The following KCNJ18 variants were observed in gnomAD, a reference collection of about 807,000 sequenced individuals.
KCNJ18 encodes the protein inward rectifier potassium channel 18.
A neutral mutation model predicts 17.3 loss-of-function variants in KCNJ18; 16 were observed. That is an observed-to-expected ratio of 0.92 (90% CI 0.62 to 1.40). KCNJ18 has a LOEUF of 1.40. KCNJ18 is among the 40% of genes most tolerant of loss of function. The probability of loss-of-function intolerance (pLI) is 0.00; values close to 1 mark genes in which losing one functional copy is unlikely to be tolerated. For missense variants in KCNJ18, 462 were observed against 626.8 expected, an observed-to-expected ratio of 0.74 and a Z score of 2.81; for synonymous variants, 185 against 262.6, an observed-to-expected ratio of 0.70 and a Z score of 2.86.
In KCNJ18 at chr17:21,703,598, T is replaced by A. The variant is rs1472973382; in HGVS notation, c.812T>A (p.Leu271Ter). 5.6e-6 allele frequency: 9 copies of A among 1,613,052 alleles called. No homozygotes were observed. The highest frequency in any genetic ancestry group is 6.8e-6 in the Non-Finnish European group (8 of 1,179,638). Reference protein sequence around the residue: ...RIFLVSPITILHEIDEASPLF... With the variant: ...RIFLVSPITI ...TTTCTGGTGTCGCCCATCACCATCT[T>A]GCATGAAATTGACGAGGCCAGCCCG... Residue 271 changes from leucine to a stop codon, truncating the protein, a stop_gained, in exon 3 of 3, where the codon TTG becomes TAG. Transcript: ENST00000567955. LOFTEE classifies it high-confidence loss of function.
chr17:21,704,205 C>T lies in KCNJ18; in HGVS notation c.*117C>T, dbSNP rs1166598299. The T allele has an allele frequency of 8.5e-6, 10 of 1,181,702 alleles. No individual in the cohort carries two copies. The African/African-American group carries it at 9.3e-5, about 11-fold the overall frequency. 73.2% of individuals were successfully genotyped at this position (1,181,702 alleles called of 1,614,324 possible). A position where few individuals can be genotyped will look rare whatever the true frequency, so the allele number is the denominator to read the frequency against. ...GTGCCCTGGGTTGCAGACTCAGTAG[C>T]GTTTTAGTCGTTTTATGTTTCTTTG... On this transcript the variant is annotated 3_prime_UTR_variant, in exon 3 of 3. Coordinates refer to ENST00000567955, the MANE Select transcript of KCNJ18 (RefSeq NM_001194958.2).
intron 1 of KCNJ18, among the ~76,000 whole-genome samples, chr17:21,693,161 C>T (rs1475778517): frequency 5.3e-5 from 8 of 152,296 alleles, no homozygotes; most frequent in South Asian, 2.1e-4. Context: ...GCTCACATGG[C>T]GGCTGCTGTG....
rs1216989998 is a variant in KCNJ18, at chr17:21,702,655, T to C, written c.-56-76T>C. 1.9e-4 allele frequency: 193 copies of C among 1,001,790 alleles called. No individual in the cohort carries two copies. The African/African-American group carries it at 2.8e-3, about 15-fold the overall frequency. 62.1% of individuals were successfully genotyped at this position (1,001,790 alleles called of 1,614,324 possible). On this transcript the variant is annotated intron_variant, in intron 2 of 2. Transcript: ENST00000567955. Reference sequence around the variant, plus strand: ...AGGGTGGAAGCGTCCTCCAGTCACGTCTGGGGGCCCTGGGATGGGGGTAGA... The same window carrying C: ...AGGGTGGAAGCGTCCTCCAGTCACGCCTGGGGGCCCTGGGATGGGGGTAGA...
chr17:21,702,567 G>T (rs1485820817), intron 2 of KCNJ18, among the ~76,000 whole-genome samples, 164 bp from the exon 3 acceptor site: 2 of 129,592 alleles, frequency 1.5e-5, no homozygotes, highest in African/African-American at 5.9e-5. Flanking sequence ...GTGGCCACTC[G>T]CACTGGGAAG....
At chr17:21,697,690 C>T (rs1905805404) in intron 2 of KCNJ18, among the ~76,000 whole-genome samples, 1 of 152,310 alleles carries the variant, frequency 6.6e-6, no homozygotes, top group African/African-American at 2.4e-5. Flanking sequence ...GAGGGAGAGC[C>T]CCTAACCCTG....
At chr17:21,700,572 C>T (rs1407789861) in intron 2 of KCNJ18, among the ~76,000 whole-genome samples, 1 of 109,488 alleles carries the variant, frequency 9.1e-6, no homozygotes, top group Admixed American at 1.0e-4. Flanking sequence ...TCCACCATCA[C>T]CTGTTGCTCA....
chr17:21,703,211 C>T lies in KCNJ18; in HGVS notation c.425C>T (p.Thr142Ile), dbSNP rs1234000412. The change falls in exon 3 of 3, where the codon ACC becomes ATC. Residue 142 changes from threonine to isoleucine, a missense_variant. Transcript: ENST00000567955. Reference protein sequence around the residue: ...AAFLFSIETQTTIGYGLRCVT... With the variant: ...AAFLFSIETQITIGYGLRCVT... Reference sequence around the variant, plus strand: ...TTCCTCTTCTCCATCGAGACGCAGACCACCATCGGCTACGGGCTGCGCTGT... The same window carrying T: ...TTCCTCTTCTCCATCGAGACGCAGATCACCATCGGCTACGGGCTGCGCTGT... The T allele has an allele frequency of 2.1e-6, 3 of 1,420,906 alleles. No individual in the cohort carries two copies. Among genetic ancestry groups the T allele is most frequent in the Admixed American group, 4.1e-5 (2 of 49,010 alleles). The allele number at this position is 1,420,906 out of a possible 1,614,324, so 88.0% of individuals were successfully genotyped here. A position where few individuals can be genotyped will look rare whatever the true frequency, so the allele number is the denominator to read the frequency against.
intron 1 of KCNJ18, among the ~76,000 whole-genome samples, 166 bp from the exon 2 acceptor site, chr17:21,695,817 G>C (rs1905741987): frequency 6.6e-6 from 1 of 152,306 alleles, no homozygotes; most frequent in South Asian, 2.1e-4. Flanking sequence ...GCTATGCTGT[G>C]AAGGTGTGGG....
rs1489246176 is a variant in KCNJ18 at position 21,703,947 on chromosome 17, C to T, written c.1161C>T (p.Asp387=). The change falls in exon 3 of 3, where the codon GAC becomes GAT. Residue 387 remains aspartate (D), a synonymous_variant. Transcript: ENST00000567955. ...ACGAGCTGGCCTTCCTGAGCCGTGA[C>T]GAGGAGGATGAGGCGGACGGAGACC... is the stretch of plus-strand genomic sequence containing the variant. ...YENELAFLSR[D]EEDEADGDQD... The T allele has an allele frequency of 9.1e-5, 146 of 1,609,710 alleles. No individual in the cohort carries two copies. The highest frequency in any genetic ancestry group is 1.2e-4 in the Admixed American group (7 of 60,002).
In KCNJ18 at chr17:21,704,415, G is replaced by A. The variant is rs1295473557; in HGVS notation, c.*327G>A. 1.2e-5 allele frequency: 4 copies of A among 322,746 alleles called. No homozygotes were observed. Among genetic ancestry groups the A allele is most frequent in the Admixed American group, 9.0e-5 (2 of 22,190 alleles). 20.0% of individuals were successfully genotyped at this position (322,746 alleles called of 1,614,324 possible). On this transcript the variant is annotated 3_prime_UTR_variant, in exon 3 of 3. Coordinates refer to ENST00000567955, the MANE Select transcript of KCNJ18 (RefSeq NM_001194958.2). Reference sequence around the variant, plus strand: ...GCAGCCCAGCTCGATGGTGGGCCCAGCCTCTGCTGTCCAAGGCTGGCTAGC... The same window carrying A: ...GCAGCCCAGCTCGATGGTGGGCCCAACCTCTGCTGTCCAAGGCTGGCTAGC...
intron 2 of KCNJ18, among the ~76,000 whole-genome samples, chr17:21,696,354 C>T (rs1443393855): frequency 6.6e-6 from 1 of 152,108 alleles, no homozygotes; most frequent in South Asian, 2.1e-4. Context: ...TCCACCCATC[C>T]TTCCACCCAC....
At chr17:21,701,722 C>T (rs1180328743) in intron 2 of KCNJ18, among the ~76,000 whole-genome samples, 2 of 152,214 alleles carry the variant, frequency 1.3e-5, no homozygotes, top group African/African-American at 4.8e-5. Context: ...ACCAGCCTGG[C>T]CAACATGGTG....
chr17:21,700,599 C>G lies in KCNJ18; in HGVS notation c.-56-2132C>G, dbSNP rs1427167431. On this transcript the variant is annotated intron_variant, in intron 2 of 2. Coordinates refer to ENST00000567955, the MANE Select transcript of KCNJ18 (RefSeq NM_001194958.2). ...TGTTGCTCAGGTGTTTGGAGCAGAG[C>G]TCAGAGGCCGCGCCTGCTCCGAGGC... 2.5e-4 allele frequency among the ~76,000 whole-genome samples: 27 copies of G among 107,188 alleles called. 3 individuals are homozygous for G. In the East Asian group the frequency reaches 4.8e-3, roughly 19 times the overall value. The allele number at this position is 107,188 out of a possible 152,430, so 70.3% of individuals were successfully genotyped here.
At chr17:21,699,054 G>A (rs1905855231) in intron 2 of KCNJ18, among the ~76,000 whole-genome samples, 1 of 152,156 alleles carries the variant, frequency 6.6e-6, no homozygotes, top group Admixed American at 6.5e-5. Flanking sequence ...TGAGCACCTT[G>A]TCTTGGCCCT....
At position 21,703,823 on chromosome 17, in the gene KCNJ18, A is replaced by T. The variant is rs1350715383; in HGVS notation, c.1037A>T (p.His346Leu). The T allele has an allele frequency of 6.2e-7, 1 of 1,610,406 alleles. No individual in the cohort carries two copies. Among genetic ancestry groups the T allele is most frequent in the South Asian group, 1.1e-5 (1 of 90,752 alleles). ...TACAAGATTGACTACTCGCACTTCC[A>T]CAAGACCTATGAGGTGCCCTCTACG... is the stretch of plus-strand genomic sequence containing the variant. ...NQYKIDYSHF[H>L]KTYEVPSTPR... The change falls in exon 3 of 3, where the codon CAC becomes CTC. Residue 346 changes from histidine to leucine, a missense_variant. Transcript: ENST00000567955.
intron 1 of KCNJ18, among the ~76,000 whole-genome samples, chr17:21,693,863 G>C (rs1905680707): frequency 6.6e-6 from 1 of 152,184 alleles, no homozygotes; most frequent in Non-Finnish European, 1.5e-5. Flanking sequence ...CAGTTTTGAG[G>C]ATGGAATGGC....
intron 2 of KCNJ18, among the ~76,000 whole-genome samples, chr17:21,696,869 C>T (rs1319561050): frequency 1.3e-5 from 2 of 152,088 alleles, no homozygotes; most frequent in African/African-American, 4.8e-5. Flanking sequence ...ATGAGGAAGG[C>T]CCAGGAGACA....
rs1906067587 is a variant in KCNJ18 at position 21,703,867 on chromosome 17, G to A, written c.1081G>A (p.Asp361Asn). ...VPSTPRCSAK[D>N]LVENKFLLPS... is the part of the protein sequence containing the mutation. The stretch of plus-strand genomic sequence containing the variant: ...CTCTACGCCCCGCTGCAGTGCGAAG[G>A]ATCTGGTAGAGAACAAGTTCCTGCT... Residue 361 changes from aspartate to asparagine, a missense_variant, in exon 3 of 3, where the codon GAT becomes AAT. Asp to Asn is a conservative substitution (Grantham distance 23). Coordinates refer to ENST00000567955, the MANE Select transcript of KCNJ18 (RefSeq NM_001194958.2). The A allele has an allele frequency of 2.5e-5, 41 of 1,612,782 alleles. No individual in the cohort carries two copies. The highest frequency in any genetic ancestry group is 3.3e-5 in the Non-Finnish European group (39 of 1,180,002).
At chr17:21,695,063 C>T (rs1323015148) in intron 1 of KCNJ18, among the ~76,000 whole-genome samples, 2 of 152,212 alleles carry the variant, frequency 1.3e-5, no homozygotes, top group Admixed American at 6.5e-5. Flanking sequence ...ACCCATTCAC[C>T]CATCTATCCC....
Sources: allele counts gnomAD v4.1 joint callset (sites outside exome capture counted in the v4.1 genomes callset), GRCh38; gene constraint gnomAD v4.1.1; transcripts MANE v1.5; gene names NCBI Gene and HGNC (gene_info 2026-07-23, HGNC 2026-07-21).